Variants in FIS1 observed in about 807,000 individuals in gnomAD.
The protein encoded by FIS1 is fission, mitochondrial 1.
FIS1 carries 16 observed loss-of-function variants against 21.6 expected under a neutral mutation model. That is an observed-to-expected ratio of 0.74 (90% CI 0.50 to 1.12). The LOEUF is 1.12. Among genes scored for constraint, FIS1 ranks in the 50% most tolerant of loss-of-function variants. FIS1 has a pLI of 0.00. For missense variants in FIS1, 198 were observed against 190.9 expected, an observed-to-expected ratio of 1.04 and a Z score of -0.22; for synonymous variants, 92 against 82.2, an observed-to-expected ratio of 1.12 and a Z score of -0.65.
chr7:101,240,945 T>C (rs1798739873), intron 2 of FIS1, 39 bp from the exon 3 acceptor site: 1 of 1,592,436 alleles, frequency 6.3e-7, no homozygotes, highest in South Asian at 1.1e-5. Context: ...AATGCTTCTT[T>C]CCTAATACTT....
intron 2 of FIS1, among the ~76,000 whole-genome samples, chr7:101,243,784 T>C (rs1259182725): frequency 6.6e-6 from 1 of 152,192 alleles, no homozygotes; most frequent in East Asian, 1.9e-4. Context: ...CTCAAGTCAC[T>C]TTCCCAGATC....
chr7:101,244,565 G>A (rs982714744), intron 1 of FIS1: 8 of 355,648 alleles, frequency 2.2e-5, no homozygotes, highest in African/African-American at 1.5e-4. Context: ...ACCTCCTAGA[G>A]CTACAAAGAC....
rs747389687 is a variant in FIS1, at chr7:101,244,062, G to T, written c.123C>A (p.Cys41Ter). Residue 41 changes from cysteine (C) to a stop codon, truncating the protein, a stop_gained, in exon 2 of 5, where the codon TGC (cysteine) becomes TGA (stop). Coordinates refer to ENST00000223136, the MANE Select transcript of FIS1 (RefSeq NM_016068.3). LOFTEE classifies it high-confidence loss of function. ...CATCATTGTACTTGCTCCGCACCAG[G>T]CACCAGGCGTACTCAAACTGCGTGC... is the stretch of plus-strand genomic sequence containing the variant. ...SKSTQFEYAW[C>*]LVRSKYNDDI... The T allele has an allele frequency of 1.2e-6, 2 of 1,613,832 alleles. No homozygotes were observed. Among genetic ancestry groups the T allele is most frequent in the Admixed American group, 3.3e-5 (2 of 59,968 alleles).
Position 101,245,010 on chromosome 7 carries a change from C to G in FIS1, c.-6G>C. ...TCGTTCAGCACGGCCTCCATGGCCA[C>G]TGCCCCCGCGAGCCTCACACTACAG... is the stretch of plus-strand genomic sequence containing the variant. On this transcript the variant is annotated 5_prime_UTR_variant, in exon 1 of 5. Coordinates refer to ENST00000223136, the MANE Select transcript of FIS1 (RefSeq NM_016068.3). 6.2e-7 allele frequency: 1 copy of G among 1,613,916 alleles called. No individual in the cohort carries two copies. The highest frequency in any genetic ancestry group is 1.1e-5 in the South Asian group (1 of 91,030).
At chr7:101,240,526 G>A (rs1798731364) in intron 3 of FIS1, among the ~76,000 whole-genome samples, 1 of 152,108 alleles carries the variant, frequency 6.6e-6, no homozygotes, top group Non-Finnish European at 1.5e-5. Flanking sequence ...AGCCCTGGGG[G>A]CTCCTCCCTC....
Position 101,245,006 on chromosome 7 carries a change from G to A in FIS1, c.-2C>T, listed in dbSNP as rs1019296987. ...CAGCTCGTTCAGCACGGCCTCCATG[G>A]CCACTGCCCCCGCGAGCCTCACACT... On this transcript the variant is annotated 5_prime_UTR_variant, in exon 1 of 5. Coordinates refer to ENST00000223136, the MANE Select transcript of FIS1 (RefSeq NM_016068.3). The A allele has an allele frequency of 3.7e-6, 6 of 1,613,760 alleles. No individual in the cohort carries two copies. The highest frequency in any genetic ancestry group is 2.2e-5 in the East Asian group (1 of 44,890).
In FIS1 at chr7:101,239,557, G is replaced by C. The variant is rs1011206865; in HGVS notation, c.*249C>G. ...GGAGAGGACCAGGAGTGACGTCTCC[G>C]CCCCCTGTGCCCAGCGTTCAGAACC... On this transcript the variant is annotated 3_prime_UTR_variant, in exon 5 of 5. Transcript: ENST00000223136. 1 of 568,798 alleles carries C rather than the reference G, an allele frequency of 1.8e-6. No homozygotes were observed. The highest frequency in any genetic ancestry group is 3.2e-6 in the Non-Finnish European group (1 of 309,336). 35.2% of individuals were successfully genotyped at this position (568,798 alleles called of 1,614,324 possible).
chr7:101,240,099 C>T (rs377388801), intron 4 of FIS1, 43 bp downstream of exon 4: 11 of 1,595,862 alleles, frequency 6.9e-6, no homozygotes, highest in Non-Finnish European at 9.5e-6. Flanking sequence ...AGTGCCCAGG[C>T]GTGGGGAAGA....
chr7:101,244,151 G>C lies in FIS1; in HGVS notation c.46-12C>G, dbSNP rs1304710973. 1 of 1,611,828 alleles carries C rather than the reference G, an allele frequency of 6.2e-7. No homozygotes were observed. The highest frequency in any genetic ancestry group is 1.3e-5 in the African/African-American group (1 of 74,906). On this transcript the variant is annotated splice_polypyrimidine_tract_variant and intron_variant, in intron 1 of 4. Coordinates refer to ENST00000223136, the MANE Select transcript of FIS1 (RefSeq NM_016068.3). ...TTCTTTTCAAACTTCTGCCACAGGG[G>C]AGGAAAGGAATCATTTAGAAATGTA... is the stretch of plus-strand genomic sequence containing the variant.
At chr7:101,240,933 G>A (rs1402770442) in intron 2 of FIS1, 27 bp from the exon 3 acceptor site, 1 of 1,607,816 alleles carries the variant, frequency 6.2e-7, no homozygotes, top group Non-Finnish European at 8.5e-7. Flanking sequence ...AAGAGGGTGA[G>A]AAATGCTTCT....
intron 1 of FIS1, 166 bp downstream of exon 1, chr7:101,244,794 T>A: frequency 1.3e-6 from 1 of 761,404 alleles, no homozygotes; most frequent in South Asian, 1.7e-5. Context: ...CTCTGCGGCA[T>A]AGCAGGCCCT....
intron 2 of FIS1, 140 bp downstream of exon 2, chr7:101,243,867 G>C: frequency 8.7e-7 from 1 of 1,143,588 alleles, no homozygotes; most frequent in Non-Finnish European, 1.2e-6. Flanking sequence ...GTAGCCAAAA[G>C]TTCACTGGGA....
rs375513653 is a variant in FIS1 at position 101,244,074 on chromosome 7, C to T, written c.111G>A (p.Glu37=). Reference sequence around the variant, plus strand: ...TGCTCCGCACCAGGCACCAGGCGTACTCAAACTGCGTGCTCTTGGACACCG... The same window carrying T: ...TGCTCCGCACCAGGCACCAGGCGTATTCAAACTGCGTGCTCTTGGACACCG... ...AGSVSKSTQF[E]YAWCLVRSKY... The change falls in exon 2 of 5, where the codon GAG becomes GAA. Residue 37 remains glutamate, a synonymous_variant. Coordinates refer to ENST00000223136, the MANE Select transcript of FIS1 (RefSeq NM_016068.3). 1.1e-5 allele frequency: 18 copies of T among 1,614,048 alleles called. No homozygotes were observed. Among genetic ancestry groups the T allele is most frequent in the Non-Finnish European group, 1.5e-5 (18 of 1,180,016 alleles).
chr7:101,239,674 C>T lies in FIS1; in HGVS notation c.*132G>A, dbSNP rs1475847729. Reference sequence around the variant, plus strand: ...CAAAGCACATGATGGGGCTGAAGGACGAATCTCAGGGGAGCAGAAATTAGC... The same window carrying T: ...CAAAGCACATGATGGGGCTGAAGGATGAATCTCAGGGGAGCAGAAATTAGC... On this transcript the variant is annotated 3_prime_UTR_variant, in exon 5 of 5. Transcript: ENST00000223136. 3.8e-6 allele frequency: 3 copies of T among 780,368 alleles called. No homozygotes were observed. Among genetic ancestry groups the T allele is most frequent in the South Asian group, 1.5e-5 (1 of 68,164 alleles). The allele number at this position is 780,368 out of a possible 1,614,324, so 48.3% of individuals were successfully genotyped here.
intron 2 of FIS1, 108 bp from the exon 3 acceptor site, chr7:101,241,014 A>G: frequency 1.8e-6 from 2 of 1,089,644 alleles, no homozygotes; most frequent in Non-Finnish European, 2.8e-6. Context: ...TGATCCTGGG[A>G]GGGTCACAGT....
In FIS1 at chr7:101,240,915, G is replaced by C. The variant is rs1157644067; in HGVS notation, c.179-9C>G. ...CCCTTTGGGCAGCAGCTCTGGGGAG[G>C]GGCAGAGAAGAGGGTGAGAAATGCT... On this transcript the variant is annotated splice_polypyrimidine_tract_variant and intron_variant, in intron 2 of 4. Transcript: ENST00000223136. 9 of 1,613,772 alleles carry C rather than the reference G, an allele frequency of 5.6e-6. No homozygotes were observed. In the South Asian group the frequency reaches 9.9e-5, roughly 18 times the overall value.
At chr7:101,243,896 G>GCCCTTGGTGCAGTAAATCTAC in intron 2 of FIS1, 111 bp downstream of exon 2, 1 of 1,383,116 alleles carries the variant, frequency 7.2e-7, no homozygotes, top group South Asian at 1.4e-5. Context: ...GCTAAGTATA[G>GCCCTTGGTGCAGTAAATCTAC]CCCTTGGTGC....
In FIS1 at chr7:101,239,540, C is replaced by G; in HGVS notation, c.*266G>C. The G allele has an allele frequency of 1.9e-6, 1 of 538,206 alleles. No homozygotes were observed. Among genetic ancestry groups the G allele is most frequent in the Non-Finnish European group, 3.4e-6 (1 of 291,944 alleles). 33.3% of individuals were successfully genotyped at this position (538,206 alleles called of 1,614,324 possible). A position where few individuals can be genotyped will look rare whatever the true frequency, so the allele number is the denominator to read the frequency against. On this transcript the variant is annotated 3_prime_UTR_variant, in exon 5 of 5. Transcript: ENST00000223136. ...CCTGGAGGGCAGGGGCAGGAGAGGA[C>G]CAGGAGTGACGTCTCCGCCCCCTGT...
At chr7:101,242,318 A>C (rs1414341238) in intron 2 of FIS1, among the ~76,000 whole-genome samples, 1 of 152,142 alleles carries the variant, frequency 6.6e-6, no homozygotes, top group African/African-American at 2.4e-5. Flanking sequence ...GGTGTTTATA[A>C]ATCTTCCTGT....
Sources: allele counts gnomAD v4.1 joint callset (sites outside exome capture counted in the v4.1 genomes callset), GRCh38; gene constraint gnomAD v4.1.1; transcripts MANE v1.5; gene names NCBI Gene and HGNC (gene_info 2026-07-23, HGNC 2026-07-21).